Variants in HS3ST5 observed in about 807,000 individuals in gnomAD.
The protein encoded by HS3ST5 is heparan sulfate-glucosamine 3-sulfotransferase 5, also known as heparan sulfate glucosamine 3-O-sulfotransferase 5.
HS3ST5 carries 10 observed loss-of-function variants against 25.4 expected under a neutral mutation model. That is an observed-to-expected ratio of 0.39 (90% CI 0.24 to 0.67). The LOEUF (loss-of-function observed/expected upper bound fraction) is 0.67. HS3ST5 is among the 30% of genes least tolerant of loss of function. HS3ST5 has a pLI of 0.44. For missense variants in HS3ST5, 324 were observed against 420.7 expected, an observed-to-expected ratio of 0.77 and a Z score of 2.01; for synonymous variants, 170 against 162.4, an observed-to-expected ratio of 1.05 and a Z score of -0.36.
At chr6:114,222,068 C>T (rs1782069402) in intron 2 of HS3ST5, among the ~76,000 whole-genome samples, 1 of 151,842 alleles carries the variant, frequency 6.6e-6, no homozygotes, top group African/African-American at 2.4e-5. Context: ...CTCTCCAAAT[C>T]TAATTCACAT....
intron 3 of HS3ST5, chr6:114,084,582 G>A (rs931959145): frequency 1.0e-5 from 8 of 768,226 alleles, no homozygotes; most frequent in African/African-American, 1.7e-5. Flanking sequence ...GGATGGCAAA[G>A]TCCACATAGT....
intron 2 of HS3ST5, among the ~76,000 whole-genome samples, chr6:114,202,720 G>A (rs1349761485): frequency 6.6e-6 from 1 of 152,092 alleles, no homozygotes; most frequent in Non-Finnish European, 1.5e-5. Context: ...GAGTAATGAA[G>A]CAGACATTTG....
At chr6:114,095,738 G>A (rs190069213) in intron 3 of HS3ST5, among the ~76,000 whole-genome samples, 61 of 152,064 alleles carry the variant, frequency 4.0e-4, no homozygotes, top group Admixed American at 3.2e-3. Context: ...TTATCCTCAC[G>A]TCTATTCCCA....
In HS3ST5 at chr6:114,105,741, T is replaced by G. The variant is rs143788498; in HGVS notation, c.-32-42864A>C. ...CTGATCAAATTTATAAACTGCTGTT[T>G]TCTGTGTCAATAAACGTTTCTACAT... On this transcript the variant is annotated intron_variant, in intron 3 of 4. Coordinates refer to ENST00000312719, the MANE Select transcript of HS3ST5 (RefSeq NM_153612.4). Among the ~76,000 whole-genome samples, 309 of 152,286 alleles carry G rather than the reference T, an allele frequency of 2.0e-3. 2 individuals are homozygous for G. Among genetic ancestry groups the G allele is most frequent in the African/African-American group, 7.2e-3 (299 of 41,582 alleles).
chr6:114,252,933 A>G (rs1355923656), intron 1 of HS3ST5, among the ~76,000 whole-genome samples: 1 of 152,176 alleles, frequency 6.6e-6, no homozygotes, highest in African/African-American at 2.4e-5. Flanking sequence ...ATGATGGCTC[A>G]TGCCTGTAAT....
chr6:114,113,786 A>C (rs577518929), intron 3 of HS3ST5, among the ~76,000 whole-genome samples: 7 of 152,036 alleles, frequency 4.6e-5, no homozygotes, highest in South Asian at 2.1e-4. Context: ...AACACTCCAG[A>C]GTTAACTTGG....
At chr6:114,254,333 T>C (rs1465141990) in intron 1 of HS3ST5, among the ~76,000 whole-genome samples, 1 of 152,240 alleles carries the variant, frequency 6.6e-6, no homozygotes, top group Non-Finnish European at 1.5e-5. Context: ...TAGCTGGGGC[T>C]ATGGAAAATA....
At position 114,165,746 on chromosome 6, in the gene HS3ST5, C is replaced by T. The variant is rs537003743; in HGVS notation, c.-33+2605G>A. Among the ~76,000 whole-genome samples, 9 of 152,238 alleles carry T rather than the reference C, an allele frequency of 5.9e-5. No individual in the cohort carries two copies. In the South Asian group the frequency reaches 1.9e-3, roughly 32 times the overall value. ...TTTGGTCTTTGGATTAGACTTGCGCCGGAAATTCTTTCTCACCAGCTCTGT... is the reference window on the plus strand; with the variant it reads ...TTTGGTCTTTGGATTAGACTTGCGCTGGAAATTCTTTCTCACCAGCTCTGT... On this transcript the variant is annotated intron_variant, in intron 3 of 4. Transcript: ENST00000312719.
At chr6:114,333,101 C>T (rs1326787035) in intron 1 of HS3ST5, among the ~76,000 whole-genome samples, 2 of 152,128 alleles carry the variant, frequency 1.3e-5, no homozygotes, top group Admixed American at 6.5e-5. Flanking sequence ...GGATGGAGAT[C>T]CAAGGCTTAT....
intron 3 of HS3ST5, among the ~76,000 whole-genome samples, chr6:114,122,747 T>C (rs1285711170): frequency 6.6e-6 from 1 of 152,116 alleles, no homozygotes; most frequent in Non-Finnish European, 1.5e-5. Context: ...GTGTGTGTGT[T>C]ATAGGTAAAG....
chr6:114,171,981 A>G (rs890706072), intron 2 of HS3ST5, among the ~76,000 whole-genome samples: 1 of 152,198 alleles, frequency 6.6e-6, no homozygotes, highest in Non-Finnish European at 1.5e-5. Context: ...TTTTATTAAA[A>G]CCAGGGCTTT....
intron 2 of HS3ST5, among the ~76,000 whole-genome samples, chr6:114,219,754 A>G (rs1373114857): frequency 2.6e-5 from 4 of 152,140 alleles, no homozygotes; most frequent in Non-Finnish European, 2.9e-5. Flanking sequence ...TTAAACTGTG[A>G]TTTTCAATGA....
rs181343182 is a variant in HS3ST5 at position 114,162,111 on chromosome 6, C to A, written c.-33+6240G>T. Among the ~76,000 whole-genome samples, 698 of 152,034 alleles carry A rather than the reference C, an allele frequency of 4.6e-3. 7 individuals carry two copies. Among genetic ancestry groups the A allele is most frequent in the African/African-American group, 0.016 (664 of 41,466 alleles). On this transcript the variant is annotated intron_variant, in intron 3 of 4. Coordinates refer to ENST00000312719, the MANE Select transcript of HS3ST5 (RefSeq NM_153612.4). The stretch of plus-strand genomic sequence containing the variant: ...ATTGTGACATAAAGATAAAATTATT[C>A]TCTCAGTAATTTTTATAATAGAATT...
At chr6:114,180,613 C>G (rs373779831) in intron 2 of HS3ST5, among the ~76,000 whole-genome samples, 5 of 152,282 alleles carry the variant, frequency 3.3e-5, no homozygotes, top group African/African-American at 1.2e-4. Context: ...GGCTTCTCAG[C>G]CTGCAGACGG....
intron 3 of HS3ST5, among the ~76,000 whole-genome samples, chr6:114,149,297 C>A (rs1778332710): frequency 6.6e-6 from 1 of 152,164 alleles, no homozygotes; most frequent in Non-Finnish European, 1.5e-5. Flanking sequence ...TTTATTGAAG[C>A]ACTATTTACA....
intron 3 of HS3ST5, among the ~76,000 whole-genome samples, chr6:114,099,050 C>A (rs1775592539): frequency 6.6e-6 from 1 of 152,068 alleles, no homozygotes; most frequent in Admixed American, 6.6e-5. Context: ...GTGGAGCAGT[C>A]AAGAGCTGGT....
At position 114,292,254 on chromosome 6, in the gene HS3ST5, A is replaced by G. The variant is rs75395893; in HGVS notation, c.-339+49941T>C. Among the ~76,000 whole-genome samples, 197 of 152,288 alleles carry G rather than the reference A, an allele frequency of 1.3e-3. 2 individuals are homozygous for G. The highest frequency in any genetic ancestry group is 4.6e-3 in the African/African-American group (191 of 41,562). On this transcript the variant is annotated intron_variant, in intron 1 of 4. Transcript: ENST00000312719. ...TAATGAATGGAAATTTATTTCTTAC[A>G]GTTTTGGAAACTGGGAATTTTAGGA...
At chr6:114,147,329 C>A (rs964800957) in intron 3 of HS3ST5, among the ~76,000 whole-genome samples, 9 of 152,192 alleles carry the variant, frequency 5.9e-5, no homozygotes, top group African/African-American at 2.2e-4. Context: ...TGACTGAATT[C>A]TCACTGATAG....
chr6:114,222,302 A>G (rs1466425337), intron 2 of HS3ST5, among the ~76,000 whole-genome samples: 1 of 151,880 alleles, frequency 6.6e-6, no homozygotes. Context: ...ATGCCTCAAC[A>G]AGGCCATGAA....
Sources: gnomAD v4.1 joint callset for allele counts (sites outside exome capture counted in the v4.1 genomes callset) on GRCh38, gnomAD v4.1.1 for gene constraint, MANE v1.5 for transcripts, NCBI Gene and HGNC (gene_info 2026-07-23, HGNC 2026-07-21) for gene names.